Variants in CD38 observed in about 807,000 individuals in gnomAD.
CD38 encodes ADP-ribosyl cyclase/cyclic ADP-ribose hydrolase 1.
A neutral mutation model predicts 36.3 loss-of-function variants in CD38; 31 were observed. That is an observed-to-expected ratio of 0.85 (90% confidence interval 0.64 to 1.15). The LOEUF is 1.15. Among genes scored for constraint, CD38 ranks in the 50% most tolerant of loss-of-function variants. The probability of loss-of-function intolerance (pLI) is 0.00; values close to 1 mark genes in which losing one functional copy is unlikely to be tolerated. For missense variants in CD38, 380 were observed against 371.9 expected (o/e 1.02, Z -0.18); for synonymous variants, 131 against 135.2 (o/e 0.97, Z 0.22).
chr4:15,790,743 C>A (rs1577635830), intron 1 of CD38, among the ~76,000 whole-genome samples: 1 of 150,970 alleles, frequency 6.6e-6, no homozygotes, highest in Non-Finnish European at 1.5e-5. Flanking sequence ...GCGCCTCTTC[C>A]CCGCCGCCAT....
chr4:15,832,521 T>G (rs1268144153), intron 3 of CD38, among the ~76,000 whole-genome samples: 1 of 152,164 alleles, frequency 6.6e-6, no homozygotes, highest in Non-Finnish European at 1.5e-5. Context: ...GGTACCACCT[T>G]GATGGTCTTG....
At chr4:15,793,608 G>C (rs1164092944) in intron 1 of CD38, among the ~76,000 whole-genome samples, 1 of 152,168 alleles carries the variant, frequency 6.6e-6, no homozygotes, top group East Asian at 1.9e-4. Flanking sequence ...AAAATACTAT[G>C]TACCAGTGTT....
chr4:15,816,123 C>T (rs949096256), intron 1 of CD38, among the ~76,000 whole-genome samples: 4 of 152,106 alleles, frequency 2.6e-5, no homozygotes, highest in South Asian at 2.1e-4. Flanking sequence ...CCAACTTGAT[C>T]GTGGTGGATA....
chr4:15,829,948 C>T (rs1370824342), intron 3 of CD38, among the ~76,000 whole-genome samples: 1 of 152,102 alleles, frequency 6.6e-6, no homozygotes, highest in African/African-American at 2.4e-5. Context: ...CTGAATAGTA[C>T]TCCATTGTGT....
intron 2 of CD38, among the ~76,000 whole-genome samples, chr4:15,818,999 G>A (rs1455741383): frequency 6.6e-6 from 1 of 152,180 alleles, no homozygotes; most frequent in Admixed American, 6.5e-5. Context: ...GAACTGGGCT[G>A]AGGCCCCTAA....
Position 15,849,026 on chromosome 4 carries a change from G to A in CD38, c.*424G>A, listed in dbSNP as rs994144940. 3 of 157,772 alleles carry A rather than the reference G, an allele frequency of 1.9e-5. No individual in the cohort carries two copies. The highest frequency in any genetic ancestry group is 7.2e-5 in the African/African-American group (3 of 41,502). 9.8% of individuals were successfully genotyped at this position (157,772 alleles called of 1,614,324 possible). ...TTCCAAATGAATGACCTTGTTGCAT[G>A]ATGTATTTTTGTACCCTTCCTACAG... is the stretch of plus-strand genomic sequence containing the variant. On this transcript the variant is annotated 3_prime_UTR_variant, in exon 8 of 8. Coordinates refer to ENST00000226279, the MANE Select transcript of CD38 (RefSeq NM_001775.4).
intron 3 of CD38, among the ~76,000 whole-genome samples, chr4:15,826,673 A>C (rs556389647): frequency 1.3e-5 from 2 of 152,198 alleles, no homozygotes; most frequent in East Asian, 3.9e-4. Flanking sequence ...TGGGAGGTGG[A>C]GGAGGGAGGA....
In CD38 at chr4:15,824,944, T is replaced by A. The variant is rs1560316533; in HGVS notation, c.427T>A (p.Phe143Ile). ...HQFTQVQRDM[F>I]TLEDTLLGYL... Reference sequence around the variant, plus strand: ...GTTCACACAGGTCCAGCGGGACATGTTCACCCTGGAGGACACGCTGCTAGG... The same window carrying A: ...GTTCACACAGGTCCAGCGGGACATGATCACCCTGGAGGACACGCTGCTAGG... Residue 143 changes from phenylalanine (F) to isoleucine (I), a missense_variant, in exon 3 of 8, where the codon TTC (phenylalanine) becomes ATC (isoleucine). Physicochemically the swap from Phe to Ile is conservative, Grantham distance 21 (BLOSUM62 0). Transcript: ENST00000226279. 6.2e-7 allele frequency: 1 copy of A among 1,613,818 alleles called. No homozygotes were observed.
At chr4:15,817,529 G>C (rs1723627204) in intron 2 of CD38, among the ~76,000 whole-genome samples, 1 of 152,228 alleles carries the variant, frequency 6.6e-6, no homozygotes, top group Non-Finnish European at 1.5e-5. Flanking sequence ...GCGATGGATA[G>C]TATGCTAAGC....
intron 1 of CD38, among the ~76,000 whole-genome samples, chr4:15,796,080 G>A (rs917013797): frequency 3.9e-5 from 6 of 151,998 alleles, no homozygotes; most frequent in East Asian, 1.9e-4. Flanking sequence ...TATCTCTAAC[G>A]TTGTCTAAGT....
intron 1 of CD38, among the ~76,000 whole-genome samples, chr4:15,779,817 A>C (rs1722651460): frequency 6.6e-6 from 1 of 152,158 alleles, no homozygotes; most frequent in South Asian, 2.1e-4. Context: ...AAAAAAAGTA[A>C]CACTGGTCTT....
intron 2 of CD38, chr4:15,816,871 A>C (rs1412246403): frequency 4.2e-6 from 2 of 474,334 alleles, no homozygotes; most frequent in Non-Finnish European, 7.5e-6. Context: ...CAGAGATAGG[A>C]AAGGGGCTTT....
intron 1 of CD38, among the ~76,000 whole-genome samples, chr4:15,806,311 T>C (rs1036630630): frequency 6.6e-6 from 1 of 152,210 alleles, no homozygotes; most frequent in African/African-American, 2.4e-5. Context: ...CAGATCCTCA[T>C]TTCTGTTAGA....
In CD38 at chr4:15,848,673, C is replaced by A; in HGVS notation, c.*71C>A. ...TGTCATCATACATGACTCAGCATAC[C>A]TGCTGGTGCAGAGCTGAAGATTTTG... On this transcript the variant is annotated 3_prime_UTR_variant, in exon 8 of 8. Coordinates refer to ENST00000226279, the MANE Select transcript of CD38 (RefSeq NM_001775.4). The A allele has an allele frequency of 7.8e-7, 1 of 1,281,738 alleles. No individual in the cohort carries two copies. Among genetic ancestry groups the A allele is most frequent in the Non-Finnish European group, 1.1e-6 (1 of 881,516 alleles). The allele number at this position is 1,281,738 out of a possible 1,614,324, so 79.4% of individuals were successfully genotyped here. A position where few individuals can be genotyped will look rare whatever the true frequency, so the allele number is the denominator to read the frequency against.
intron 4 of CD38, among the ~76,000 whole-genome samples, chr4:15,835,113 C>T (rs773399301): frequency 2.6e-5 from 4 of 152,048 alleles, no homozygotes; most frequent in Non-Finnish European, 5.9e-5. Context: ...TGTTATTGAA[C>T]ACCAGAATTT....
intron 1 of CD38, among the ~76,000 whole-genome samples, chr4:15,801,915 G>C (rs9884223): frequency 0.44 from 66,946 of 151,904 alleles, 17,131 homozygotes; most frequent in African/African-American, 0.72. Context: ...TCACTACTCT[G>C]ATTCCACATA....
rs188215617 is a variant in CD38, at chr4:15,818,279, T to G, written c.363+1639T>G. Among the ~76,000 whole-genome samples, 7 of 152,244 alleles carry G rather than the reference T, an allele frequency of 4.6e-5. No homozygotes were observed. In the East Asian group the frequency reaches 1.4e-3, roughly 29 times the overall value. ...GCAACGTGGTTGTGGCCAGACTGCT[T>G]CTCTAGATTCCTCCTCACTGGGCAG... is the stretch of plus-strand genomic sequence containing the variant. On this transcript the variant is annotated intron_variant, in intron 2 of 7. Coordinates refer to ENST00000226279, the MANE Select transcript of CD38 (RefSeq NM_001775.4).
chr4:15,820,978 TAACA>T (rs1245315445), intron 2 of CD38, among the ~76,000 whole-genome samples: 1 of 152,140 alleles, frequency 6.6e-6, no homozygotes, highest in African/African-American at 2.4e-5. Flanking sequence ...ACTAAAATCA[TAACA>T]AACAATCTCA....
intron 1 of CD38, among the ~76,000 whole-genome samples, chr4:15,790,939 G>A (rs1441111780): frequency 6.7e-6 from 1 of 148,548 alleles, no homozygotes; most frequent in Non-Finnish European, 1.5e-5. Flanking sequence ...CCTCTGCCTG[G>A]CAACCGCCCC....
Sources: gnomAD v4.1 joint callset for allele counts (sites outside exome capture counted in the v4.1 genomes callset) on GRCh38, gnomAD v4.1.1 for gene constraint, MANE v1.5 for transcripts, NCBI Gene and HGNC (gene_info 2026-07-23, HGNC 2026-07-21) for gene names.